CNTNAP2: variants seen among roughly 807,000 people sequenced by gnomAD.
CNTNAP2 encodes contactin-associated protein-like 2.
Under a neutral mutation model 155.2 loss-of-function variants are expected in CNTNAP2, and 98 were observed. The observed-to-expected ratio is 0.63, with a 90% CI of 0.54 to 0.75. The LOEUF (loss-of-function observed/expected upper bound fraction) is 0.75. CNTNAP2 is among the 30% of genes least tolerant of loss of function. CNTNAP2 has a pLI of 0.00. For missense variants in CNTNAP2, 1,727 were observed against 1,688.1 expected (o/e 1.02, Z -0.40); for synonymous variants, 651 against 631.2 (o/e 1.03, Z -0.47).
intron 13 of CNTNAP2, among the ~76,000 whole-genome samples, chr7:147,707,273 A>G (rs1796330145): frequency 6.6e-6 from 1 of 152,160 alleles, no homozygotes; most frequent in African/African-American, 2.4e-5. Flanking sequence ...TGCTTTCCTA[A>G]GGAAGGACTC....
chr7:146,774,483 C>T (rs1313018494), intron 2 of CNTNAP2, 102 bp downstream of exon 2: 1 of 784,380 alleles, frequency 1.3e-6, no homozygotes, highest in Non-Finnish European at 2.1e-6. Context: ...TGTTGGCAGA[C>T]ACCAGAAATC....
chr7:148,000,204 G>T (rs561145182), intron 15 of CNTNAP2, among the ~76,000 whole-genome samples: 1 of 152,180 alleles, frequency 6.6e-6, no homozygotes, highest in African/African-American at 2.4e-5. Context: ...GCAGAGCAGT[G>T]TCTTGAGAGA....
At chr7:147,490,365 C>G (rs1798584901) in intron 11 of CNTNAP2, among the ~76,000 whole-genome samples, 1 of 152,114 alleles carries the variant, frequency 6.6e-6, no homozygotes, top group Non-Finnish European at 1.5e-5. Flanking sequence ...AACAATTGTA[C>G]ATTCCGTATG....
intron 22 of CNTNAP2, among the ~76,000 whole-genome samples, chr7:148,408,646 C>T (rs1799757332): frequency 6.6e-6 from 1 of 152,196 alleles, no homozygotes; most frequent in African/African-American, 2.4e-5. Flanking sequence ...TTAACTTCTC[C>T]AACAGAAGAC....
intron 8 of CNTNAP2, among the ~76,000 whole-genome samples, chr7:147,287,873 A>G (rs992445465): frequency 2.0e-4 from 31 of 152,140 alleles, no homozygotes; most frequent in Admixed American, 1.7e-3. Context: ...AAATCTGGCC[A>G]CATTTCTCCA....
intron 1 of CNTNAP2, among the ~76,000 whole-genome samples, chr7:146,332,941 A>ATTTTTTTTTTTTTTTTTTTTTTTTTTT (rs4016094): frequency 3.9e-5 from 4 of 102,456 alleles, no homozygotes; most frequent in Non-Finnish European, 7.8e-5. Context: ...TTCTTCTTCT[A>ATTTTTTTTTTTTTTTTTTTTTTTTTTT]TTTTTTTTTT....
chr7:147,565,737 A>G (rs1023194760), intron 12 of CNTNAP2, among the ~76,000 whole-genome samples: 2 of 152,194 alleles, frequency 1.3e-5, no homozygotes, highest in Admixed American at 1.3e-4. Flanking sequence ...AGTGCCATTT[A>G]GGAGAAGTGG....
At chr7:147,819,351 G>A (rs942010842) in intron 13 of CNTNAP2, among the ~76,000 whole-genome samples, 2 of 152,144 alleles carry the variant, frequency 1.3e-5, no homozygotes, top group East Asian at 1.9e-4. Flanking sequence ...TTTCAACAAC[G>A]TTGCTGAAAA....
At chr7:146,998,275 T>G (rs1294200492) in intron 3 of CNTNAP2, among the ~76,000 whole-genome samples, 2 of 152,084 alleles carry the variant, frequency 1.3e-5, no homozygotes, top group Non-Finnish European at 2.9e-5. Context: ...ATTTTTAAAT[T>G]TTTTCATTGT....
At chr7:146,556,136 C>T (rs549079613) in intron 1 of CNTNAP2, among the ~76,000 whole-genome samples, 10 of 152,194 alleles carry the variant, frequency 6.6e-5, no homozygotes, top group African/African-American at 2.4e-4. Context: ...CATGGTTATA[C>T]TTTTTTCTAT....
intron 1 of CNTNAP2, among the ~76,000 whole-genome samples, chr7:146,631,307 G>A (rs1398262666): frequency 2.0e-5 from 3 of 152,024 alleles, no homozygotes; most frequent in African/African-American, 7.2e-5. Flanking sequence ...AATTGAAATC[G>A]ACCACATTGA....
At chr7:146,184,277 TAAAC>T (rs972289514) in intron 1 of CNTNAP2, among the ~76,000 whole-genome samples, 156 of 152,220 alleles carry the variant, frequency 1.0e-3, no homozygotes, top group Middle Eastern at 3.4e-3. Flanking sequence ...GTCTTGTAGA[TAAAC>T]AAACAAGAAT....
intron 1 of CNTNAP2, among the ~76,000 whole-genome samples, chr7:146,439,879 T>C (rs186151212): frequency 1.3e-5 from 2 of 151,708 alleles, no homozygotes; most frequent in East Asian, 3.9e-4. Context: ...ATCTCAGCAC[T>C]TTGGGAGGCC....
chr7:146,633,772 G>C, intron 1 of CNTNAP2, among the ~76,000 whole-genome samples: 1 of 140,074 alleles, frequency 7.1e-6, no homozygotes, highest in Non-Finnish European at 1.5e-5. Context: ...GGAGTCTGCA[G>C]TGAGCTTAGA....
chr7:147,518,096 C>T (rs537531665), intron 11 of CNTNAP2, among the ~76,000 whole-genome samples: 18 of 151,964 alleles, frequency 1.2e-4, no homozygotes, highest in East Asian at 9.7e-4. Flanking sequence ...TCCTTAAAGC[C>T]GAATTTCATT....
In CNTNAP2 at chr7:146,471,887, G is replaced by A. The variant is rs559214189; in HGVS notation, c.98-302384G>A. ...AGATCCATAAATCACTTTTTTTGTGGGAAATGGGGACCAGTTCTGGTAGCT... is the reference window on the plus strand; with the variant it reads ...AGATCCATAAATCACTTTTTTTGTGAGAAATGGGGACCAGTTCTGGTAGCT... On this transcript the variant is annotated intron_variant, in intron 1 of 23. Transcript: ENST00000361727. Among the ~76,000 whole-genome samples, 105 of 152,098 alleles carry A rather than the reference G, an allele frequency of 6.9e-4. 1 individual carries two copies. The highest frequency in any genetic ancestry group is 6.8e-3 in the Middle Eastern group (2 of 294).
chr7:146,632,154 T>C (rs1426462687), intron 1 of CNTNAP2, among the ~76,000 whole-genome samples: 3 of 152,100 alleles, frequency 2.0e-5, no homozygotes, highest in Admixed American at 6.6e-5. Context: ...GAGAGTTTGG[T>C]TGTGTGAGGA....
At chr7:146,343,706 T>G (rs1351989400) in intron 1 of CNTNAP2, among the ~76,000 whole-genome samples, 1 of 152,190 alleles carries the variant, frequency 6.6e-6, no homozygotes, top group Non-Finnish European at 1.5e-5. Flanking sequence ...TTAGAATTTT[T>G]AAATTATCAA....
At chr7:146,724,862 C>T (rs1384214134) in intron 1 of CNTNAP2, among the ~76,000 whole-genome samples, 1 of 152,112 alleles carries the variant, frequency 6.6e-6, no homozygotes, top group Non-Finnish European at 1.5e-5. Flanking sequence ...AGCCACCATG[C>T]CTGGCCTAAA....
Sources: gnomAD v4.1 joint callset for allele counts (sites outside exome capture counted in the v4.1 genomes callset) on GRCh38, gnomAD v4.1.1 for gene constraint, MANE v1.5 for transcripts, NCBI Gene and HGNC (gene_info 2026-07-23, HGNC 2026-07-21) for gene names.